The following TANC2 variants were observed in gnomAD, a reference collection of about 807,000 sequenced individuals.
The protein encoded by TANC2 is tetratricopeptide repeat, ankyrin repeat and coiled-coil containing 2, also known as protein TANC2.
Under a neutral mutation model 210.5 loss-of-function variants are expected in TANC2, and 26 were observed. That is an observed-to-expected ratio of 0.12 (90% CI 0.09 to 0.17). The LOEUF is 0.17. TANC2 is among the 10% of genes least tolerant of loss of function. The pLI is 1.00. For synonymous variants in TANC2, 931 were observed against 967.1 expected, an observed-to-expected ratio of 0.96 and a Z score of 0.69; for missense variants, 2,129 against 2,608.9, an observed-to-expected ratio of 0.82 and a Z score of 4.01.
At chr17:63,314,553 T>C in exon 10 of TANC2, 1 of 1,613,922 alleles carries the variant, frequency 6.2e-7, no homozygotes, top group Non-Finnish European at 8.5e-7. Context: ...GGAGTAGTGA[T>C]TGTGGGAAAC....
intron 3 of TANC2, among the ~76,000 whole-genome samples, chr17:63,095,620 A>G (rs1460880919): frequency 6.6e-6 from 1 of 152,138 alleles, no homozygotes; most frequent in Non-Finnish European, 1.5e-5. Flanking sequence ...GAACCTGACC[A>G]TAGTACTGGT....
At chr17:63,359,242 G>T (rs974516851) in intron 14 of TANC2, among the ~76,000 whole-genome samples, 5 of 151,848 alleles carry the variant, frequency 3.3e-5, no homozygotes, top group Non-Finnish European at 7.4e-5. Context: ...TTTGTTTGTA[G>T]AGAAAGAGTC....
At chr17:62,977,611 T>TCCCCTA (rs144616624) in intron 1 of TANC2, among the ~76,000 whole-genome samples, 8,638 of 152,164 alleles carry the variant, frequency 0.057, 363 homozygotes, top group African/African-American at 0.12. Context: ...GGGGTATTTC[T>TCCCCTA]CCCCTATCCC....
intron 9 of TANC2, among the ~76,000 whole-genome samples, chr17:63,274,388 T>C (rs1351992476): frequency 6.6e-6 from 1 of 151,272 alleles, no homozygotes; most frequent in Non-Finnish European, 1.5e-5. Flanking sequence ...ATAAAAGTCA[T>C]AGAAGATTGT....
At chr17:63,273,229 T>C (rs2043769002) in intron 9 of TANC2, among the ~76,000 whole-genome samples, 1 of 152,076 alleles carries the variant, frequency 6.6e-6, no homozygotes, top group Non-Finnish European at 1.5e-5. Context: ...AAAGCTACAG[T>C]GAGCCATGAG....
chr17:63,232,756 A>G (rs1264734939), intron 7 of TANC2, among the ~76,000 whole-genome samples: 3 of 152,208 alleles, frequency 2.0e-5, no homozygotes, highest in Non-Finnish European at 4.4e-5. Context: ...GACCTGGTTA[A>G]CAAAGCACTC....
intron 1 of TANC2, among the ~76,000 whole-genome samples, chr17:62,983,030 T>C (rs1229346913): frequency 2.0e-5 from 3 of 152,214 alleles, no homozygotes; most frequent in Admixed American, 6.5e-5. Flanking sequence ...AGGGATTCTA[T>C]TGAATTTATA....
chr17:63,355,416 A>G (rs773397015), intron 14 of TANC2, 26 bp downstream of exon 14: 26 of 1,506,842 alleles, frequency 1.7e-5, no homozygotes, highest in African/African-American at 1.7e-4. Context: ...GTGATAAACA[A>G]TTCTGAGTCT....
intron 14 of TANC2, among the ~76,000 whole-genome samples, chr17:63,374,312 AC>A (rs1005247491): frequency 1.2e-4 from 19 of 152,138 alleles, no homozygotes; most frequent in Non-Finnish European, 2.2e-4. Context: ...TGCTGGGATT[AC>A]AGGTGTGAGC....
intron 1 of TANC2, among the ~76,000 whole-genome samples, chr17:62,983,063 A>G (rs1354283229): frequency 6.6e-6 from 1 of 152,110 alleles, no homozygotes; most frequent in Non-Finnish European, 1.5e-5. Context: ...TAATCATTTT[A>G]ACACTCTTCT....
intron 13 of TANC2, among the ~76,000 whole-genome samples, chr17:63,353,589 A>G (rs2046687238): frequency 6.6e-6 from 1 of 152,094 alleles, no homozygotes; most frequent in Non-Finnish European, 1.5e-5. Context: ...ATTTAGCACC[A>G]TGGGACTAAA....
intron 1 of TANC2, among the ~76,000 whole-genome samples, chr17:63,006,109 A>G (rs2033616694): frequency 6.6e-6 from 1 of 152,106 alleles, no homozygotes; most frequent in Non-Finnish European, 1.5e-5. Flanking sequence ...TTTTTAAATT[A>G]AGGATCTGAA....
intron 4 of TANC2, among the ~76,000 whole-genome samples, chr17:63,109,549 T>C (rs986927940): frequency 4.0e-5 from 6 of 151,838 alleles, no homozygotes; most frequent in South Asian, 2.1e-4. Flanking sequence ...TCATCAGACC[T>C]AGATGATTTT....
intron 9 of TANC2, among the ~76,000 whole-genome samples, chr17:63,295,850 T>G: frequency 6.6e-6 from 1 of 152,150 alleles, no homozygotes; most frequent in Non-Finnish European, 1.5e-5. Context: ...AAAAATACTA[T>G]AAGAATTTTA....
chr17:63,239,126 C>T (rs2042702787), intron 8 of TANC2, among the ~76,000 whole-genome samples: 1 of 148,102 alleles, frequency 6.8e-6, no homozygotes, highest in Non-Finnish European at 1.5e-5. Flanking sequence ...CCAGCCTGCG[C>T]AACATAGTGA....
intron 6 of TANC2, among the ~76,000 whole-genome samples, chr17:63,197,293 G>A (rs76117936): frequency 0.029 from 4,369 of 152,118 alleles, 218 homozygotes; most frequent in African/African-American, 0.098. Flanking sequence ...AAATTGTTAA[G>A]CTTTATACAA....
intron 2 of TANC2, among the ~76,000 whole-genome samples, chr17:63,051,804 TTG>T (rs775071374): frequency 2.0e-5 from 3 of 152,130 alleles, no homozygotes; most frequent in Admixed American, 6.6e-5. Flanking sequence ...TTTAAAAAAT[TTG>T]TGTTAGGTGA....
chr17:63,043,341 T>G (rs963343985), intron 2 of TANC2, among the ~76,000 whole-genome samples: 1 of 152,230 alleles, frequency 6.6e-6, no homozygotes, highest in South Asian at 2.1e-4. Flanking sequence ...CATGTTTGAT[T>G]AGTATTCACA....
intron 14 of TANC2, among the ~76,000 whole-genome samples, chr17:63,374,887 CAGGG>C (rs982651824): frequency 4.6e-5 from 7 of 151,934 alleles, no homozygotes; most frequent in South Asian, 4.2e-4. Context: ...TTGGGATGGC[CAGGG>C]AGTGAGCAGT....
Sources: gnomAD v4.1 joint callset for allele counts (sites outside exome capture counted in the v4.1 genomes callset) on GRCh38, gnomAD v4.1.1 for gene constraint, MANE v1.5 for transcripts, NCBI Gene and HGNC (gene_info 2026-07-23, HGNC 2026-07-21) for gene names.